Variants in MYO9A observed in about 807,000 individuals in gnomAD.
MYO9A encodes myosin IXA.
Under a neutral mutation model 293.3 loss-of-function variants are expected in MYO9A, and 103 were observed. The observed-to-expected ratio is 0.35, with a 90% CI of 0.30 to 0.41. The LOEUF (loss-of-function observed/expected upper bound fraction) is 0.41, where lower values mean the gene tolerates loss of function less well. Ranked by LOEUF, MYO9A falls within the 10% of genes least tolerant of loss-of-function variation. The probability of loss-of-function intolerance (pLI) is 1.00; values close to 1 mark genes in which losing one functional copy is unlikely to be tolerated. For synonymous variants in MYO9A, 1,001 were observed against 1,035.7 expected, an observed-to-expected ratio of 0.97 and a Z score of 0.64; for missense variants, 2,685 against 3,033.0, an observed-to-expected ratio of 0.89 and a Z score of 2.69.
In MYO9A at chr15:72,007,902, T is replaced by C; in HGVS notation, c.1304A>G (p.Lys435Arg). 5.6e-6 allele frequency: 9 copies of C among 1,613,354 alleles called. No homozygotes were observed. The highest frequency in any genetic ancestry group is 7.6e-6 in the Non-Finnish European group (9 of 1,179,616). Residue 435 changes from lysine to arginine, a missense_variant, in exon 8 of 42, where the codon AAA becomes AGA. This residue lies in a region of MYO9A where 289 missense variants were observed against 456.8 expected (regional missense o/e 0.63). Transcript: ENST00000356056. ...AILHLGNICY[K>R]KKTYRDDSID... ...GGAGTCATCCCGGTATGTCTTCTTT[T>C]TGTAACAGATATTACCCAAATGTAG...
chr15:72,010,397 T>C lies in MYO9A; in HGVS notation c.1206A>G (p.Leu402=), dbSNP rs2077138876. 5 of 1,613,630 alleles carry C rather than the reference T, an allele frequency of 3.1e-6. No homozygotes were observed. The highest frequency in any genetic ancestry group is 1.1e-5 in the South Asian group (1 of 91,006). ...GEDLRHDFER[L]QLAMEMVGFL... is the part of the protein sequence containing the mutation. The stretch of plus-strand genomic sequence containing the variant: ...ATCCTACCATTTCCATGGCAAGTTG[T>C]AGGCGCTCAAAGTCATGTCTCAAAT... The change falls in exon 7 of 42, where the codon CTA becomes CTG. Residue 402 remains leucine, a synonymous_variant. Coordinates refer to ENST00000356056, the MANE Select transcript of MYO9A (RefSeq NM_006901.4).
chr15:72,041,103 G>T, intron 2 of MYO9A: 1 of 533,104 alleles, frequency 1.9e-6, no homozygotes, highest in Non-Finnish European at 3.6e-6. Flanking sequence ...AAATTAGCCA[G>T]GTGTGGTGGT....
rs556938417 is a variant in MYO9A at position 72,046,909 on chromosome 15, T to C, written c.-71-275A>G. The stretch of plus-strand genomic sequence containing the variant: ...AAAGAGTACAAAGAAAAATTATTTT[T>C]CCCCTGCTGTCTCAAATGTTTGTAA... On this transcript the variant is annotated intron_variant, in intron 1 of 41. Transcript: ENST00000356056. Among the ~76,000 whole-genome samples the C allele has an allele frequency of 1.4e-4, 21 of 152,264 alleles. No homozygotes were observed. In the South Asian group the frequency reaches 4.1e-3, roughly 30 times the overall value.
chr15:71,934,636 G>A (rs2930069), intron 17 of MYO9A, among the ~76,000 whole-genome samples: 94,090 of 149,692 alleles, frequency 0.63, 31,010 homozygotes, highest in Middle Eastern at 0.74. Flanking sequence ...GATGTTAATC[G>A]GTTGCCCAGG....
chr15:71,859,822 A>G, intron 33 of MYO9A, 26 bp from the exon 34 acceptor site: 1 of 1,597,252 alleles, frequency 6.3e-7, no homozygotes, highest in Non-Finnish European at 8.6e-7. Flanking sequence ...GGAATGCAAC[A>G]TTTTTAGAAG....
At chr15:72,111,632 C>A (rs1013343481) in intron 1 of MYO9A, among the ~76,000 whole-genome samples, 8 of 107,716 alleles carry the variant, frequency 7.4e-5, no homozygotes, top group Non-Finnish European at 1.9e-5. Flanking sequence ...GCAAATATTA[C>A]CCCCAATTTT....
At chr15:71,845,712 T>C (rs766232275) in intron 39 of MYO9A, among the ~76,000 whole-genome samples, 4 of 152,316 alleles carry the variant, frequency 2.6e-5, no homozygotes, top group East Asian at 1.9e-4. Flanking sequence ...TTCATGTCAT[T>C]GAACAAGAGG....
chr15:72,080,199 G>C (rs944842001), intron 1 of MYO9A, among the ~76,000 whole-genome samples: 2 of 151,916 alleles, frequency 1.3e-5, no homozygotes, highest in South Asian at 2.1e-4. Flanking sequence ...AATACAGAAT[G>C]CAACAGTATC....
rs759080550 is a variant in MYO9A, at chr15:71,933,746, T to C, written c.2523-37A>G. 2.6e-6 allele frequency: 4 copies of C among 1,547,524 alleles called. No homozygotes were observed. In the South Asian group the frequency reaches 3.6e-5, roughly 14 times the overall value. ...AATCATTCATTAAAAAAAGCTACTG[T>C]ATAAAAACAAAAACAAAAGCTACTG... On this transcript the variant is annotated intron_variant, in intron 17 of 41. Transcript: ENST00000356056.
At chr15:72,108,494 G>A (rs1364854153) in intron 1 of MYO9A, among the ~76,000 whole-genome samples, 2 of 152,168 alleles carry the variant, frequency 1.3e-5, no homozygotes, top group Non-Finnish European at 2.9e-5. Flanking sequence ...ACATTTCAAT[G>A]TCACAGGGAA....
At chr15:71,830,810 T>C (rs1264304870) in intron 39 of MYO9A, among the ~76,000 whole-genome samples, 1 of 152,130 alleles carries the variant, frequency 6.6e-6, no homozygotes, top group Non-Finnish European at 1.5e-5. Context: ...TTGGAATGCA[T>C]AATCTCTCTA....
intron 33 of MYO9A, among the ~76,000 whole-genome samples, chr15:71,861,578 TATCC>T (rs199561922): frequency 8.1e-5 from 12 of 147,648 alleles, no homozygotes; most frequent in African/African-American, 1.5e-4. Context: ...TTTATTCATT[TATCC>T]ATCCATCCAT....
chr15:72,071,638 C>G (rs1267446864), intron 1 of MYO9A, among the ~76,000 whole-genome samples: 1 of 151,924 alleles, frequency 6.6e-6, no homozygotes, highest in African/African-American at 2.4e-5. Context: ...GTTACAGAGG[C>G]AGGTTACAGA....
chr15:71,900,140 A>T, intron 23 of MYO9A, 134 bp from the exon 24 acceptor site: 1 of 995,466 alleles, frequency 1.0e-6, no homozygotes, highest in Non-Finnish European at 1.4e-6. Context: ...TGGTGATTAA[A>T]AATAAGTTTT....
At chr15:71,907,241 A>G (rs2057689752) in intron 19 of MYO9A, among the ~76,000 whole-genome samples, 1 of 150,306 alleles carries the variant, frequency 6.7e-6, no homozygotes, top group Non-Finnish European at 1.5e-5. Flanking sequence ...ATGATTTCCA[A>G]TTTCATCCAT....
chr15:71,998,727 G>T (rs2929524), intron 9 of MYO9A, among the ~76,000 whole-genome samples: 10 of 151,538 alleles, frequency 6.6e-5, no homozygotes, highest in Admixed American at 3.3e-4. Flanking sequence ...ATCCCTCCCC[G>T]CTTCCCCCAC....
chr15:71,964,133 GT>G (rs1287869346), intron 13 of MYO9A, among the ~76,000 whole-genome samples: 1 of 151,824 alleles, frequency 6.6e-6, no homozygotes, highest in Non-Finnish European at 1.5e-5. Context: ...CCTGGTATCT[GT>G]AATCTATAAT....
intron 1 of MYO9A, among the ~76,000 whole-genome samples, chr15:72,056,317 C>T (rs2078717037): frequency 6.6e-6 from 1 of 152,166 alleles, no homozygotes; most frequent in African/African-American, 2.4e-5. Context: ...CAATTCACAA[C>T]TGCAAAAATA....
chr15:72,012,356 G>A (rs1220530300), intron 6 of MYO9A, among the ~76,000 whole-genome samples: 6 of 151,926 alleles, frequency 3.9e-5, no homozygotes, highest in Admixed American at 1.3e-4. Context: ...GTGCAATGAC[G>A]CGATGTCTGC....
Sources: allele counts gnomAD v4.1 joint callset (sites outside exome capture counted in the v4.1 genomes callset), GRCh38; gene constraint gnomAD v4.1.1; regional missense constraint gnomAD v4.1.1; transcripts MANE v1.5; gene names NCBI Gene and HGNC (gene_info 2026-07-23, HGNC 2026-07-21).